Variants in VPS13C observed in about 807,000 individuals in gnomAD.
VPS13C encodes intermembrane lipid transfer protein VPS13C.
Under a neutral mutation model 456.8 loss-of-function variants are expected in VPS13C, and 358 were observed. The observed-to-expected ratio is 0.78, with a 90% CI of 0.72 to 0.86. VPS13C has a LOEUF of 0.86. VPS13C is among the 40% of genes least tolerant of loss of function. The pLI, the probability that VPS13C is intolerant of heterozygous loss-of-function variation, is 0.00. For missense variants in VPS13C, 4,818 were observed against 4,385.4 expected (o/e 1.10, Z -2.79); for synonymous variants, 1,578 against 1,486.7 (o/e 1.06, Z -1.41).
chr15:61,980,802 T>C (rs1341394805), intron 22 of VPS13C, among the ~76,000 whole-genome samples: 1 of 152,178 alleles, frequency 6.6e-6, no homozygotes, highest in African/African-American at 2.4e-5. Flanking sequence ...GGATCTTAAA[T>C]TGAGAAACAA....
At chr15:61,881,344 GGAA>G (rs1484152925) in intron 71 of VPS13C, among the ~76,000 whole-genome samples, 1 of 152,060 alleles carries the variant, frequency 6.6e-6, no homozygotes, top group Admixed American at 6.6e-5. Flanking sequence ...AGTTATAAAG[GGAA>G]GAAGATGGTT....
chr15:61,869,446 T>G lies in VPS13C; in HGVS notation c.10748+54A>C, dbSNP rs1203779290. ...ATAATCTAATCTATTTATGTATTCC[T>G]TGTAATAATTAGCACACAGACACAT... On this transcript the variant is annotated intron_variant, in intron 80 of 84. Coordinates refer to ENST00000644861, the MANE Select transcript of VPS13C (RefSeq NM_020821.3). The G allele has an allele frequency of 1.1e-5, 17 of 1,588,068 alleles. No individual in the cohort carries two copies. In the Admixed American group the frequency reaches 2.0e-4, roughly 19 times the overall value.
intron 13 of VPS13C, 95 bp downstream of exon 13, chr15:62,010,376 CA>C: frequency 7.6e-7 from 1 of 1,315,900 alleles, no homozygotes; most frequent in Non-Finnish European, 9.9e-7. Flanking sequence ...TAACAAACCC[CA>C]AAAAACCACC....
intron 66 of VPS13C, among the ~76,000 whole-genome samples, chr15:61,893,200 C>T (rs1276929101): frequency 6.6e-6 from 1 of 152,024 alleles, no homozygotes; most frequent in Non-Finnish European, 1.5e-5. Context: ...CTCTCAAGGG[C>T]CTATGACAAA....
At chr15:61,881,698 T>G in intron 70 of VPS13C, 49 bp downstream of exon 70, 1 of 1,601,254 alleles carries the variant, frequency 6.2e-7, no homozygotes, top group Non-Finnish European at 8.5e-7. Flanking sequence ...AATGCCTATT[T>G]AACTTTTATA....
chr15:61,949,562 A>G lies in VPS13C; in HGVS notation c.4640T>C (p.Leu1547Ser), dbSNP rs1567037642. The G allele has an allele frequency of 1.9e-6, 3 of 1,612,052 alleles. No homozygotes were observed. Among genetic ancestry groups the G allele is most frequent in the Non-Finnish European group, 2.5e-6 (3 of 1,179,562 alleles). The part of the protein sequence containing the change: ...SLDLVLHLEA[L>S]LSFMDFLSSA... ...TGATAAAAAATCCATGAAGGAAAGT[A>G]AAGCTTCCAAATGAAGTACTAAGTC... The change falls in exon 42 of 85, where the codon TTA becomes TCA. Residue 1547 changes from leucine to serine, a missense_variant. Physicochemically the swap from Leu to Ser is moderately radical, Grantham distance 145. Coordinates refer to ENST00000644861, the MANE Select transcript of VPS13C (RefSeq NM_020821.3).
At chr15:61,905,138 T>C (rs1174556220) in intron 66 of VPS13C, among the ~76,000 whole-genome samples, 3 of 152,258 alleles carry the variant, frequency 2.0e-5, no homozygotes, top group Admixed American at 6.5e-5. Context: ...ATTTGAAATG[T>C]TCCCAACATA....
chr15:61,921,406 CA>C (rs1284327220), intron 55 of VPS13C, among the ~76,000 whole-genome samples: 1 of 151,810 alleles, frequency 6.6e-6, no homozygotes, highest in Non-Finnish European at 1.5e-5. Flanking sequence ...GAGGTGTTCT[CA>C]AAAAACAACA....
chr15:62,025,460 T>G (rs1307681060), intron 6 of VPS13C, among the ~76,000 whole-genome samples: 2 of 152,120 alleles, frequency 1.3e-5, no homozygotes, highest in African/African-American at 4.8e-5. Flanking sequence ...AAATACCATT[T>G]GAAAAGAAAC....
At chr15:62,001,386 A>G (rs1035344420) in intron 15 of VPS13C, among the ~76,000 whole-genome samples, 1 of 152,214 alleles carries the variant, frequency 6.6e-6, no homozygotes, top group Non-Finnish European at 1.5e-5. Flanking sequence ...TAGGAATTCA[A>G]CTCATTTTTC....
chr15:61,967,505 GA>G (rs1470438559), intron 28 of VPS13C, 58 bp from the exon 29 acceptor site: 1 of 1,340,372 alleles, frequency 7.5e-7, no homozygotes, highest in African/African-American at 1.5e-5. Context: ...TTTGTAATTT[GA>G]AACATTTTAG....
chr15:61,856,490 G>T, intron 82 of VPS13C, 81 bp from the exon 83 acceptor site: 1 of 1,522,522 alleles, frequency 6.6e-7, no homozygotes, highest in Admixed American at 2.0e-5. Context: ...CTACTGGATG[G>T]CAGAGGTAGC....
At chr15:61,969,647 TA>T (rs34645637) in intron 27 of VPS13C, among the ~76,000 whole-genome samples, 195 bp from the exon 28 acceptor site, 1 of 152,150 alleles carries the variant, frequency 6.6e-6, no homozygotes. Context: ...AATACATTTA[TA>T]AAAAAATCAT....
At chr15:62,011,309 G>A (rs1046626668) in intron 12 of VPS13C, among the ~76,000 whole-genome samples, 1 of 152,174 alleles carries the variant, frequency 6.6e-6, no homozygotes, top group African/African-American at 2.4e-5. Context: ...AATGGAAAAT[G>A]CCTAAGAATG....
chr15:61,985,658 A>G (rs2046026581), intron 18 of VPS13C, among the ~76,000 whole-genome samples: 1 of 152,240 alleles, frequency 6.6e-6, no homozygotes, highest in Non-Finnish European at 1.5e-5. Flanking sequence ...TAAGTATTTC[A>G]GAATAAACCT....
At chr15:62,012,599 T>A (rs2047084544) in intron 11 of VPS13C, among the ~76,000 whole-genome samples, 1 of 151,942 alleles carries the variant, frequency 6.6e-6, no homozygotes, top group East Asian at 1.9e-4. Context: ...CTAAGACTGG[T>A]TTAGCACATT....
At chr15:61,917,764 G>A (rs1388665036) in intron 59 of VPS13C, 129 bp from the exon 60 acceptor site, 42 of 1,045,536 alleles carry the variant, frequency 4.0e-5, no homozygotes, top group Non-Finnish European at 5.3e-5. Context: ...ATACAGATGA[G>A]GAAACCAGGG....
rs192964161 is a variant in VPS13C at position 61,926,866 on chromosome 15, T to C, written c.6516+225A>G. Reference sequence around the variant, plus strand: ...TCAAACACTACTCAACAGAAGATGGTATAATGAAAATAAAACCGTTCTGAA... The same window carrying C: ...TCAAACACTACTCAACAGAAGATGGCATAATGAAAATAAAACCGTTCTGAA... On this transcript the variant is annotated intron_variant, in intron 52 of 84. Transcript: ENST00000644861. Among the ~76,000 whole-genome samples the C allele has an allele frequency of 4.5e-3, 686 of 152,312 alleles. 7 individuals are homozygous for C. The highest frequency in any genetic ancestry group is 0.015 in the African/African-American group (636 of 41,568).
chr15:62,019,330 G>C (rs2047372885), intron 9 of VPS13C, among the ~76,000 whole-genome samples: 1 of 152,016 alleles, frequency 6.6e-6, no homozygotes, highest in African/African-American at 2.4e-5. Context: ...CCTTCTGCTA[G>C]CTTTTGAATG....
Sources: gnomAD v4.1 joint callset for allele counts (sites outside exome capture counted in the v4.1 genomes callset) on GRCh38, gnomAD v4.1.1 for gene constraint, MANE v1.5 for transcripts, NCBI Gene and HGNC (gene_info 2026-07-23, HGNC 2026-07-21) for gene names.